The following DMRT1 variants were observed in gnomAD, a reference collection of about 807,000 sequenced individuals.
DMRT1 encodes the protein doublesex and mab-3 related transcription factor 1, also known as doublesex- and mab-3-related transcription factor 1.
Under a neutral mutation model 32.3 loss-of-function variants are expected in DMRT1, and 7 were observed. The ratio of observed to expected loss-of-function variants is 0.22; its 90% CI spans 0.12 to 0.41. DMRT1 has a LOEUF of 0.41. DMRT1 is among the 10% of genes least tolerant of loss of function. The pLI is 1.00. For synonymous variants in DMRT1, 278 were observed against 206.1 expected (o/e 1.35, Z -2.99); for missense variants, 625 against 500.5 (o/e 1.25, Z -2.37).
At chr9:847,772 A>C (rs1272581086) in intron 2 of DMRT1, among the ~76,000 whole-genome samples, 1 of 152,208 alleles carries the variant, frequency 6.6e-6, no homozygotes, top group East Asian at 1.9e-4. Context: ...TAGGTCTCTA[A>C]ATTACACAGG....
At chr9:904,796 T>C (rs1002585502) in intron 3 of DMRT1, among the ~76,000 whole-genome samples, 1 of 152,092 alleles carries the variant, frequency 6.6e-6, no homozygotes, top group Non-Finnish European at 1.5e-5. Context: ...AATACAAAAT[T>C]AGCTGGGCGT....
chr9:849,551 C>T (rs1056117185), intron 2 of DMRT1, among the ~76,000 whole-genome samples: 4 of 152,186 alleles, frequency 2.6e-5, no homozygotes, highest in African/African-American at 9.7e-5. Flanking sequence ...GAACGACTCT[C>T]ACAAGGGTGT....
intron 2 of DMRT1, among the ~76,000 whole-genome samples, chr9:860,278 C>CA (rs532734125): frequency 2.6e-5 from 4 of 152,236 alleles, no homozygotes; most frequent in Non-Finnish European, 5.9e-5. Context: ...GCCTGGGCGA[C>CA]AGAGCGAGAC....
intron 2 of DMRT1, among the ~76,000 whole-genome samples, chr9:859,723 T>C (rs1169024127): frequency 6.6e-6 from 1 of 152,196 alleles, no homozygotes; most frequent in African/African-American, 2.4e-5. Flanking sequence ...CTGGTCTCAT[T>C]GTACAATACC....
In DMRT1 at chr9:965,007, G is replaced by T. The variant is rs1309948644; in HGVS notation, c.968-2978G>T. Among the ~76,000 whole-genome samples, 5 of 152,150 alleles carry T rather than the reference G, an allele frequency of 3.3e-5. No individual in the cohort carries two copies. The highest frequency in any genetic ancestry group is 5.9e-5 in the Non-Finnish European group (4 of 68,028). ...ATCAAAGAGCGAAAAGCATCATTTA[G>T]ATTTTTGAATTTTTAATTGGTATGA... On this transcript the variant is annotated intron_variant, in intron 4 of 4. Coordinates refer to ENST00000382276, the MANE Select transcript of DMRT1 (RefSeq NM_021951.3). This position sits in a 1 kb window ranked among gnomAD's most constrained non-coding sequence, Gnocchi z 4.5.
At chr9:846,438 G>C (rs1230177602) in intron 1 of DMRT1, among the ~76,000 whole-genome samples, 2 of 152,096 alleles carry the variant, frequency 1.3e-5, no homozygotes, top group Non-Finnish European at 2.9e-5. Flanking sequence ...GAAGGAGTGA[G>C]TGATCCCATT....
At chr9:872,884 C>T (rs368807354) in intron 2 of DMRT1, among the ~76,000 whole-genome samples, 6 of 152,266 alleles carry the variant, frequency 3.9e-5, no homozygotes, top group South Asian at 2.1e-4. Flanking sequence ...TTTACATTTC[C>T]AGCAGTGTGA....
intron 2 of DMRT1, among the ~76,000 whole-genome samples, chr9:849,674 G>A (rs972291187): frequency 1.3e-5 from 2 of 152,228 alleles, no homozygotes; most frequent in African/African-American, 4.8e-5. Flanking sequence ...GGAGTTGACA[G>A]ACCTTGGAGT....
chr9:892,402 C>G (rs938778209), intron 2 of DMRT1, among the ~76,000 whole-genome samples: 1 of 152,096 alleles, frequency 6.6e-6, no homozygotes, highest in Non-Finnish European at 1.5e-5. Context: ...TCACCCTCAC[C>G]CAGCCCTCCA....
intron 3 of DMRT1, among the ~76,000 whole-genome samples, chr9:902,017 C>G (rs868421998): frequency 6.7e-6 from 1 of 148,816 alleles, no homozygotes; most frequent in Non-Finnish European, 1.5e-5. Context: ...TCAAGCGGTT[C>G]TCCTGCCTCA....
At chr9:861,668 G>A (rs1414583948) in intron 2 of DMRT1, among the ~76,000 whole-genome samples, 1 of 151,756 alleles carries the variant, frequency 6.6e-6, no homozygotes, top group African/African-American at 2.4e-5. Context: ...TCACTTCCCA[G>A]ACGGGGAAGC....
intron 2 of DMRT1, among the ~76,000 whole-genome samples, chr9:853,697 G>T (rs1161368644): frequency 6.6e-6 from 1 of 151,948 alleles, no homozygotes; most frequent in African/African-American, 2.4e-5. Context: ...TAGAGACAGG[G>T]TTTCACCATG....
At chr9:920,432 T>C (rs753736298) in intron 4 of DMRT1, among the ~76,000 whole-genome samples, 1 of 152,088 alleles carries the variant, frequency 6.6e-6, no homozygotes, top group East Asian at 1.9e-4. Context: ...TGCTGATATG[T>C]CAAATGAGAT....
chr9:959,508 ATTGTTG>A (rs143409687), intron 4 of DMRT1, among the ~76,000 whole-genome samples: 1 of 152,034 alleles, frequency 6.6e-6, no homozygotes. Flanking sequence ...AACTGGTTTT[ATTGTTG>A]TTGTTGTTGT....
chr9:868,406 T>C (rs1274064223), intron 2 of DMRT1, among the ~76,000 whole-genome samples: 1 of 152,168 alleles, frequency 6.6e-6, no homozygotes, highest in African/African-American at 2.4e-5. Flanking sequence ...ATGATTGCTT[T>C]AAAAAAACAA....
Position 946,968 on chromosome 9 carries a change from G to C in DMRT1, c.968-21017G>C, listed in dbSNP as rs573596207. Among the ~76,000 whole-genome samples, 187 of 152,328 alleles carry C rather than the reference G, an allele frequency of 1.2e-3. 1 individual carries two copies. Among genetic ancestry groups the C allele is most frequent in the African/African-American group, 4.4e-3 (183 of 41,574 alleles). ...GATACCAAAGAGCCGATAATGTTAGGAAATTCGTCATGCAGAATTAGCTAA... is the reference window on the plus strand; with the variant it reads ...GATACCAAAGAGCCGATAATGTTAGCAAATTCGTCATGCAGAATTAGCTAA... On this transcript the variant is annotated intron_variant, in intron 4 of 4. Transcript: ENST00000382276.
chr9:908,364 G>A (rs530618383), intron 3 of DMRT1, among the ~76,000 whole-genome samples: 2 of 152,230 alleles, frequency 1.3e-5, no homozygotes, highest in Admixed American at 1.3e-4. Context: ...AGCCTGAGGT[G>A]AGAGGATCAC....
intron 3 of DMRT1, among the ~76,000 whole-genome samples, chr9:904,960 A>C (rs562172391): frequency 1.5e-4 from 21 of 141,478 alleles, no homozygotes; most frequent in African/African-American, 5.1e-4. Context: ...AAAAAAAAAG[A>C]CACATGTAAT....
intron 2 of DMRT1, among the ~76,000 whole-genome samples, chr9:854,263 C>T (rs944073492): frequency 9.9e-5 from 15 of 152,014 alleles, no homozygotes; most frequent in Middle Eastern, 3.2e-3. Context: ...ACTACAGGTG[C>T]GCTACATGCC....
Sources: gnomAD v4.1 joint callset for allele counts (sites outside exome capture counted in the v4.1 genomes callset) on GRCh38, gnomAD v4.1.1 for gene constraint, Gnocchi (gnomAD v3.1) non-coding constraint, MANE v1.5 for transcripts, NCBI Gene and HGNC (gene_info 2026-07-23, HGNC 2026-07-21) for gene names.